The following EYS variants were observed in gnomAD, a reference collection of about 807,000 sequenced individuals.
EYS encodes EGF-like photoreceptor maintenance factor.
A neutral mutation model predicts 282.1 loss-of-function variants in EYS; 250 were observed. That is an observed-to-expected ratio of 0.89 (90% CI 0.80 to 0.98). The LOEUF is 0.98. Ranked by LOEUF, EYS falls within the 50% of genes least tolerant of loss-of-function variation. The probability of loss-of-function intolerance (pLI) is 0.00; values close to 1 mark genes in which losing one functional copy is unlikely to be tolerated. For synonymous variants in EYS, 1,355 were observed against 1,282.9 expected, an observed-to-expected ratio of 1.06 and a Z score of -1.20; for missense variants, 4,016 against 3,709.0, an observed-to-expected ratio of 1.08 and a Z score of -2.15.
intron 1 of EYS, among the ~76,000 whole-genome samples, chr6:65,687,657 C>A (rs188871248): frequency 3.3e-5 from 5 of 152,004 alleles, no homozygotes; most frequent in African/African-American, 1.2e-4. Flanking sequence ...TGTTTGCAGA[C>A]GACATGATTA....
chr6:64,444,418 C>T (rs181419591), intron 26 of EYS, among the ~76,000 whole-genome samples: 1 of 152,004 alleles, frequency 6.6e-6, no homozygotes, highest in African/African-American at 2.4e-5. Flanking sequence ...TATTTTATAG[C>T]TTTTAGAAAG....
chr6:65,266,819 A>C (rs554669), intron 12 of EYS, among the ~76,000 whole-genome samples: 1,623 of 151,014 alleles, frequency 0.011, 26 homozygotes, highest in African/African-American at 0.038. Flanking sequence ...ATATCTGTTT[A>C]ATAAAAAAAA....
intron 13 of EYS, among the ~76,000 whole-genome samples, chr6:65,008,709 C>T (rs1231702384): frequency 1.3e-5 from 2 of 152,202 alleles, no homozygotes; most frequent in African/African-American, 4.8e-5. Flanking sequence ...TCAGAAGCCA[C>T]TAACCAGATG....
intron 7 of EYS, among the ~76,000 whole-genome samples, chr6:65,401,573 G>T (rs143320014): frequency 1.3e-5 from 2 of 151,568 alleles, no homozygotes; most frequent in Non-Finnish European, 2.9e-5. Context: ...ATGGATTACA[G>T]TTTTCAATAT....
chr6:64,062,831 CTT>C (rs1232557410), intron 33 of EYS, among the ~76,000 whole-genome samples: 1 of 151,244 alleles, frequency 6.6e-6, no homozygotes, highest in Non-Finnish European at 1.5e-5. Context: ...ATTTTTTTCT[CTT>C]GATTCCTCAC....
chr6:64,294,972 G>A (rs987926343), intron 30 of EYS, among the ~76,000 whole-genome samples: 1 of 152,224 alleles, frequency 6.6e-6, no homozygotes, highest in South Asian at 2.1e-4. Flanking sequence ...TGATGTGTAA[G>A]ACCAACTAGC....
chr6:64,974,078 T>C (rs927879336), intron 14 of EYS, among the ~76,000 whole-genome samples: 16 of 151,934 alleles, frequency 1.1e-4, no homozygotes. Context: ...CTTCTAAGAA[T>C]TCACAGATTA....
chr6:65,487,696 G>A (rs878915257), intron 5 of EYS, among the ~76,000 whole-genome samples: 4 of 152,186 alleles, frequency 2.6e-5, no homozygotes, highest in Non-Finnish European at 5.9e-5. Context: ...CATAAAATGA[G>A]TTAGGGAGGA....
chr6:63,805,479 C>T (rs1770881524), intron 37 of EYS, among the ~76,000 whole-genome samples: 1 of 152,176 alleles, frequency 6.6e-6, no homozygotes, highest in African/African-American at 2.4e-5. Context: ...TCTCTTCAGA[C>T]ATGGAAACAG....
At chr6:65,625,447 T>G (rs977409598) in intron 2 of EYS, among the ~76,000 whole-genome samples, 5 of 152,166 alleles carry the variant, frequency 3.3e-5, no homozygotes, top group African/African-American at 1.2e-4. Flanking sequence ...AATTACAAAT[T>G]TATCCAGCTT....
At chr6:64,872,006 T>C (rs1029544350) in intron 19 of EYS, among the ~76,000 whole-genome samples, 4 of 152,056 alleles carry the variant, frequency 2.6e-5, no homozygotes, top group South Asian at 2.1e-4. Context: ...TGGACAAAAG[T>C]AGCAAATGAA....
At chr6:64,662,352 G>A (rs1769067846) in intron 22 of EYS, among the ~76,000 whole-genome samples, 3 of 152,150 alleles carry the variant, frequency 2.0e-5, no homozygotes, top group Admixed American at 2.0e-4. Context: ...CCTGCACGTT[G>A]TGCACATGTA....
chr6:64,498,787 G>A (rs547826380), intron 26 of EYS, among the ~76,000 whole-genome samples: 15 of 152,098 alleles, frequency 9.9e-5, no homozygotes, highest in Non-Finnish European at 1.9e-4. Context: ...CCCTGCAAAG[G>A]ACATAAACTC....
At chr6:64,844,057 G>T (rs1028505922) in intron 19 of EYS, among the ~76,000 whole-genome samples, 1 of 151,994 alleles carries the variant, frequency 6.6e-6, no homozygotes, top group Non-Finnish European at 1.5e-5. Flanking sequence ...CATGTAAGAG[G>T]TGCCTTTCAC....
At chr6:65,246,877 C>T (rs1582060076) in intron 12 of EYS, among the ~76,000 whole-genome samples, 1 of 152,154 alleles carries the variant, frequency 6.6e-6, no homozygotes, top group Admixed American at 6.5e-5. Flanking sequence ...TTGTGACAAA[C>T]ATATTTTCAA....
chr6:65,389,179 G>A (rs976738481), intron 7 of EYS, among the ~76,000 whole-genome samples: 4 of 152,112 alleles, frequency 2.6e-5, no homozygotes, highest in Non-Finnish European at 5.9e-5. Flanking sequence ...TAACTCATTT[G>A]CCAGCAACAC....
intron 14 of EYS, among the ~76,000 whole-genome samples, chr6:64,965,289 A>G (rs1770054905): frequency 6.6e-6 from 1 of 152,088 alleles, no homozygotes; most frequent in South Asian, 2.1e-4. Context: ...GAAAATTACT[A>G]TAATGTCCAT....
At chr6:65,417,020 T>G (rs1332231164) in intron 5 of EYS, among the ~76,000 whole-genome samples, 1 of 151,996 alleles carries the variant, frequency 6.6e-6, no homozygotes, top group African/African-American at 2.4e-5. Context: ...GAAAGAACAT[T>G]TAATGAAAAT....
intron 30 of EYS, among the ~76,000 whole-genome samples, chr6:64,268,541 C>A (rs192282558): frequency 2.6e-5 from 4 of 152,064 alleles, no homozygotes; most frequent in Admixed American, 6.6e-5. Flanking sequence ...GAAGGGAGAC[C>A]AGTTGGGGGG....
Sources: gnomAD v4.1 joint callset for allele counts (sites outside exome capture counted in the v4.1 genomes callset) on GRCh38, gnomAD v4.1.1 for gene constraint, MANE v1.5 for transcripts, NCBI Gene and HGNC (gene_info 2026-07-23, HGNC 2026-07-21) for gene names.